IL1RAP: variants seen among roughly 807,000 people sequenced by gnomAD.
IL1RAP encodes interleukin-1 receptor accessory protein.
Under a neutral mutation model 60.7 loss-of-function variants are expected in IL1RAP, and 35 were observed. That is an observed-to-expected ratio of 0.58 (90% CI 0.44 to 0.76). The LOEUF (loss-of-function observed/expected upper bound fraction) is 0.76, where lower values mean the gene tolerates loss of function less well. IL1RAP is among the 30% of genes least tolerant of loss of function. IL1RAP has a pLI of 0.00. For missense variants in IL1RAP, 572 were observed against 693.9 expected (o/e 0.82, Z 1.97); for synonymous variants, 268 against 250.9 (o/e 1.07, Z -0.64).
chr3:190,522,675 T>C (rs1398420213), intron 1 of IL1RAP, among the ~76,000 whole-genome samples: 1 of 151,998 alleles, frequency 6.6e-6, no homozygotes, highest in Non-Finnish European at 1.5e-5. Flanking sequence ...GTGCCACAAT[T>C]TGGCAAACAA....
chr3:190,644,166 C>T (rs1733846790), intron 9 of IL1RAP, 82 bp from the exon 10 acceptor site: 1 of 1,520,900 alleles, frequency 6.6e-7, no homozygotes, highest in African/African-American at 1.4e-5. Flanking sequence ...AGCTGCTTGG[C>T]TTATCCAGCT....
At chr3:190,615,414 C>T (rs1435502968) in intron 5 of IL1RAP, 7 of 635,776 alleles carry the variant, frequency 1.1e-5, no homozygotes, top group Non-Finnish European at 1.8e-5. Context: ...GAGTCTTTGG[C>T]AGGCCATCCT....
chr3:190,653,215 C>A (rs1423501269), downstream of IL1RAP, among the ~76,000 whole-genome samples: 1 of 152,134 alleles, frequency 6.6e-6, no homozygotes. Context: ...ATTCAATAAA[C>A]ATTAGTCCAT....
downstream of IL1RAP, among the ~76,000 whole-genome samples, chr3:190,653,620 G>A (rs544165770): frequency 1.3e-5 from 2 of 151,922 alleles, no homozygotes; most frequent in African/African-American, 4.8e-5. Flanking sequence ...TGGAAGTTAT[G>A]ACTTTTACAG....
intron 3 of IL1RAP, among the ~76,000 whole-genome samples, chr3:190,588,254 C>A (rs1268085617): frequency 2.6e-5 from 4 of 152,210 alleles, no homozygotes; most frequent in Admixed American, 6.5e-5. Context: ...GCTGGGACTA[C>A]AGGCATGCGC....
intron 3 of IL1RAP, among the ~76,000 whole-genome samples, chr3:190,589,896 T>A (rs1310485254): frequency 1.3e-5 from 2 of 152,138 alleles, no homozygotes; most frequent in Non-Finnish European, 2.9e-5. Context: ...AGAAGAGAGT[T>A]CATGCTCAGA....
chr3:190,580,337 A>G (rs73886490), intron 3 of IL1RAP, among the ~76,000 whole-genome samples: 2,019 of 152,284 alleles, frequency 0.013, 41 homozygotes, highest in African/African-American at 0.045. Flanking sequence ...TTCAACTCCA[A>G]TGAATATCTA....
chr3:190,541,202 T>G (rs1683123242), intron 1 of IL1RAP, among the ~76,000 whole-genome samples: 1 of 152,048 alleles, frequency 6.6e-6, no homozygotes, highest in Non-Finnish European at 1.5e-5. Context: ...TCTCCTGTGA[T>G]GTTCACTTTT....
At chr3:190,618,804 C>G (rs924347947) in intron 5 of IL1RAP, among the ~76,000 whole-genome samples, 4 of 152,084 alleles carry the variant, frequency 2.6e-5, no homozygotes, top group African/African-American at 4.8e-5. Context: ...ACAGGAGAAG[C>G]TGCGTTGAAA....
chr3:190,577,010 A>G (rs975314518), intron 3 of IL1RAP, among the ~76,000 whole-genome samples: 2 of 150,076 alleles, frequency 1.3e-5, no homozygotes. Flanking sequence ...CTGAGGCAGG[A>G]GAATGGCGTG....
intron 1 of IL1RAP, among the ~76,000 whole-genome samples, chr3:190,523,434 G>A (rs933526911): frequency 1.1e-4 from 17 of 152,086 alleles, no homozygotes; most frequent in African/African-American, 3.9e-4. Context: ...ACCTTGTGTC[G>A]TGGGGATTTG....
chr3:190,543,439 C>T (rs972332637), intron 1 of IL1RAP, among the ~76,000 whole-genome samples: 2 of 152,186 alleles, frequency 1.3e-5, no homozygotes, highest in East Asian at 1.9e-4. Flanking sequence ...TGTCTGCAAA[C>T]GTCTTAAGAG....
At chr3:190,553,734 G>C (rs1439202371) in intron 1 of IL1RAP, among the ~76,000 whole-genome samples, 1 of 152,168 alleles carries the variant, frequency 6.6e-6, no homozygotes, top group African/African-American at 2.4e-5. Flanking sequence ...GTTTCCTCTA[G>C]CCTCAGAAGT....
intron 1 of IL1RAP, among the ~76,000 whole-genome samples, chr3:190,526,620 T>C (rs985607579): frequency 6.6e-6 from 1 of 152,204 alleles, no homozygotes; most frequent in African/African-American, 2.4e-5. Context: ...TCTTCATCTA[T>C]GTTGTTGGCA....
chr3:190,629,649 T>C, intron 9 of IL1RAP, 151 bp downstream of exon 9: 1 of 1,394,368 alleles, frequency 7.2e-7, no homozygotes, highest in Non-Finnish European at 9.3e-7. Context: ...ATGAAAAATA[T>C]GAAAGTTTTC....
At chr3:190,515,763 C>T (rs943314895) in intron 1 of IL1RAP, among the ~76,000 whole-genome samples, 1 of 150,980 alleles carries the variant, frequency 6.6e-6, no homozygotes, top group Non-Finnish European at 1.5e-5. Context: ...TTATTCTAAG[C>T]CTTCTATCCT....
At chr3:190,579,750 C>T (rs1473102841) in intron 3 of IL1RAP, among the ~76,000 whole-genome samples, 1 of 152,190 alleles carries the variant, frequency 6.6e-6, no homozygotes, top group East Asian at 1.9e-4. Flanking sequence ...CTCCCCCACC[C>T]AAGCCCTAGG....
chr3:190,585,246 GTCTTTC>G (rs2097929101), intron 3 of IL1RAP, among the ~76,000 whole-genome samples: 1 of 152,184 alleles, frequency 6.6e-6, no homozygotes, highest in South Asian at 2.1e-4. Flanking sequence ...AGGCAATGCA[GTCTTTC>G]TCAACTTGAT....
intron 3 of IL1RAP, among the ~76,000 whole-genome samples, chr3:190,586,543 T>C (rs182551838): frequency 3.2e-4 from 49 of 152,052 alleles, no homozygotes; most frequent in African/African-American, 1.1e-3. Context: ...AGGAAAAGGG[T>C]GATTTGATTT....
Sources: allele counts gnomAD v4.1 joint callset (sites outside exome capture counted in the v4.1 genomes callset), GRCh38; gene constraint gnomAD v4.1.1; transcripts MANE v1.5; gene names NCBI Gene and HGNC (gene_info 2026-07-23, HGNC 2026-07-21).